Variants in MB21D2 observed in about 807,000 individuals in gnomAD.
MB21D2 encodes the protein Mab-21 domain containing 2.
In MB21D2, 9 loss-of-function variants were observed where a neutral mutation model predicts 33.3. The observed-to-expected ratio is 0.27, with a 90% CI of 0.16 to 0.47. MB21D2 has a LOEUF of 0.47. MB21D2 is among the 20% of genes least tolerant of loss of function. The probability of loss-of-function intolerance (pLI) is 0.99; values close to 1 mark genes in which losing one functional copy is unlikely to be tolerated. For missense variants in MB21D2, 540 were observed against 624.6 expected, an observed-to-expected ratio of 0.86 and a Z score of 1.44; for synonymous variants, 241 against 236.3, an observed-to-expected ratio of 1.02 and a Z score of -0.18.
At chr3:192,810,182 C>T (rs1192290747) in intron 1 of MB21D2, among the ~76,000 whole-genome samples, 1 of 152,156 alleles carries the variant, frequency 6.6e-6, no homozygotes, top group African/African-American at 2.4e-5. Flanking sequence ...CTGTACAAAA[C>T]CCTTATCGGG....
chr3:192,872,162 TA>T (rs968538537), intron 1 of MB21D2, among the ~76,000 whole-genome samples: 27 of 152,186 alleles, frequency 1.8e-4, no homozygotes, highest in Non-Finnish European at 5.9e-5. Context: ...CACCTGTTTC[TA>T]AAAAGGATTT....
In MB21D2 at chr3:192,917,512, G is replaced by A. The variant is rs571875425; in HGVS notation, c.211+118C>T. On this transcript the variant is annotated intron_variant, in intron 1 of 1. Coordinates refer to ENST00000392452, the MANE Select transcript of MB21D2 (RefSeq NM_178496.4). Reference sequence around the variant, plus strand: ...GGAACAGAGATGGCTTATACCCAAGGCACCGGCTCGGGAAGGCAACCCAGA... The same window carrying A: ...GGAACAGAGATGGCTTATACCCAAGACACCGGCTCGGGAAGGCAACCCAGA... The A allele has an allele frequency of 4.0e-6, 4 of 988,944 alleles. No individual in the cohort carries two copies. In the East Asian group the frequency reaches 9.9e-5, roughly 24 times the overall value. The allele number at this position is 988,944 out of a possible 1,614,324, so 61.3% of individuals were successfully genotyped here.
intron 1 of MB21D2, among the ~76,000 whole-genome samples, chr3:192,833,444 T>C (rs953845693): frequency 6.6e-6 from 1 of 152,176 alleles, no homozygotes; most frequent in Non-Finnish European, 1.5e-5. Context: ...AACAAAAAAC[T>C]TCCACTTCAT....
At chr3:192,851,070 C>T (rs1483660648) in intron 1 of MB21D2, among the ~76,000 whole-genome samples, 2 of 152,090 alleles carry the variant, frequency 1.3e-5, no homozygotes, top group Non-Finnish European at 2.9e-5. Context: ...ATTATGAAGA[C>T]GAATGAATTT....
At chr3:192,909,280 A>T (rs1180845772) in intron 1 of MB21D2, among the ~76,000 whole-genome samples, 2 of 151,688 alleles carry the variant, frequency 1.3e-5, no homozygotes, top group African/African-American at 2.4e-5. Context: ...AAAAATAAAA[A>T]AATAATAATA....
intron 1 of MB21D2, among the ~76,000 whole-genome samples, chr3:192,827,966 G>A (rs758580002): frequency 2.6e-5 from 4 of 152,034 alleles, no homozygotes; most frequent in Non-Finnish European, 5.9e-5. Flanking sequence ...TAATGTTCTC[G>A]TGGTAGTGAA....
At chr3:192,894,475 C>T (rs1234233880) in intron 1 of MB21D2, among the ~76,000 whole-genome samples, 1 of 152,150 alleles carries the variant, frequency 6.6e-6, no homozygotes, top group Non-Finnish European at 1.5e-5. Flanking sequence ...TTGCCCAATC[C>T]TGTACCTGGC....
At position 192,888,686 on chromosome 3, in the gene MB21D2, G is replaced by A. The variant is rs149566995; in HGVS notation, c.211+28944C>T. On this transcript the variant is annotated intron_variant, in intron 1 of 1. Coordinates refer to ENST00000392452, the MANE Select transcript of MB21D2 (RefSeq NM_178496.4). ...TACAGCTCCCATTTATTGTGCTTTC[G>A]AGGTGAGCACGAAGCAGTTTATATG... Among the ~76,000 whole-genome samples, 103 of 152,158 alleles carry A rather than the reference G, an allele frequency of 6.8e-4. 1 individual carries two copies. The highest frequency in any genetic ancestry group is 2.3e-3 in the African/African-American group (95 of 41,452).
chr3:192,904,493 T>C (rs1714165661), intron 1 of MB21D2, among the ~76,000 whole-genome samples: 1 of 152,258 alleles, frequency 6.6e-6, no homozygotes, highest in African/African-American at 2.4e-5. Flanking sequence ...TCTAAAGTTC[T>C]ATCAGCCCAG....
intron 1 of MB21D2, among the ~76,000 whole-genome samples, chr3:192,834,509 C>A (rs964339161): frequency 3.3e-5 from 5 of 151,764 alleles, no homozygotes; most frequent in African/African-American, 1.2e-4. Context: ...TATCATGCCT[C>A]CTCTTTGCAC....
chr3:192,916,587 G>A (rs1004522978), intron 1 of MB21D2, among the ~76,000 whole-genome samples: 1 of 152,206 alleles, frequency 6.6e-6, no homozygotes, highest in South Asian at 2.1e-4. Flanking sequence ...GCCACGCACC[G>A]CTTGACAGCC....
At chr3:192,891,640 A>C (rs1486273197) in intron 1 of MB21D2, among the ~76,000 whole-genome samples, 1 of 152,152 alleles carries the variant, frequency 6.6e-6, no homozygotes, top group Non-Finnish European at 1.5e-5. Flanking sequence ...GCAAACAGCC[A>C]ATACATGTTA....
intron 1 of MB21D2, among the ~76,000 whole-genome samples, chr3:192,808,265 A>G (rs1374603905): frequency 6.6e-6 from 1 of 152,236 alleles, no homozygotes; most frequent in Non-Finnish European, 1.5e-5. Flanking sequence ...CACACTAATC[A>G]GATAATCACA....
chr3:192,876,864 A>G (rs1019606539), intron 1 of MB21D2, among the ~76,000 whole-genome samples: 1 of 152,108 alleles, frequency 6.6e-6, no homozygotes, highest in Non-Finnish European at 1.5e-5. Context: ...TCAGGGCTCC[A>G]AAGTAGGTTG....
intron 1 of MB21D2, among the ~76,000 whole-genome samples, chr3:192,902,584 G>C (rs1428063349): frequency 6.6e-6 from 1 of 152,194 alleles, no homozygotes; most frequent in Non-Finnish European, 1.5e-5. Context: ...CCTTGAGCAA[G>C]TCACTGTTCA....
chr3:192,820,365 G>A (rs1023432812), intron 1 of MB21D2, among the ~76,000 whole-genome samples: 17 of 151,960 alleles, frequency 1.1e-4, no homozygotes, highest in African/African-American at 3.9e-4. Flanking sequence ...TAACAACTTC[G>A]GATAATACAA....
intron 1 of MB21D2, among the ~76,000 whole-genome samples, chr3:192,903,701 C>T (rs898947137): frequency 9.2e-5 from 14 of 152,166 alleles, no homozygotes; most frequent in Admixed American, 3.3e-4. Context: ...GAGTTAGAGG[C>T]GGGCCTGGTG....
chr3:192,857,600 C>T (rs866884203), intron 1 of MB21D2, among the ~76,000 whole-genome samples: 6 of 151,816 alleles, frequency 4.0e-5, no homozygotes, highest in Non-Finnish European at 8.8e-5. Context: ...GACTACTCCA[C>T]GTGTACATAA....
chr3:192,853,380 G>A (rs1386441448), intron 1 of MB21D2, among the ~76,000 whole-genome samples: 1 of 152,150 alleles, frequency 6.6e-6, no homozygotes, highest in Non-Finnish European at 1.5e-5. Context: ...TTAATAGAAG[G>A]TAACTTTTAT....
Sources: allele counts gnomAD v4.1 joint callset (sites outside exome capture counted in the v4.1 genomes callset), GRCh38; gene constraint gnomAD v4.1.1; transcripts MANE v1.5; gene names NCBI Gene and HGNC (gene_info 2026-07-23, HGNC 2026-07-21).